FBN2: variants seen among roughly 807,000 people sequenced by gnomAD.
FBN2 encodes fibrillin 2.
A neutral mutation model predicts 355.6 loss-of-function variants in FBN2; 105 were observed. The observed-to-expected ratio is 0.30, with a 90% CI of 0.25 to 0.35. FBN2 has a LOEUF of 0.35. Ranked by LOEUF, FBN2 falls within the 10% of genes least tolerant of loss-of-function variation. FBN2 has a pLI of 1.00. For synonymous variants in FBN2, 1,350 were observed against 1,301.2 expected (o/e 1.04, Z -0.81); for missense variants, 3,280 against 3,758.7 (o/e 0.87, Z 3.33).
chr5:128,283,918 A>T (rs908217174), intron 55 of FBN2, among the ~76,000 whole-genome samples: 1 of 152,158 alleles, frequency 6.6e-6, no homozygotes, highest in Non-Finnish European at 1.5e-5. Flanking sequence ...ATACATATTC[A>T]ATCAATCCAT....
At position 128,311,396 on chromosome 5, in the gene FBN2, G is replaced by T; in HGVS notation, c.4978C>A (p.Leu1660Ile). 1.2e-6 allele frequency: 2 copies of T among 1,614,034 alleles called. No homozygotes were observed. The highest frequency in any genetic ancestry group is 1.7e-5 in the Admixed American group (1 of 60,022). The change falls in exon 39 of 65, where the codon CTC becomes ATC. Residue 1660 changes from leucine (L) to isoleucine (I), a missense_variant. Transcript: ENST00000262464. ...DIDECQELPG[L>I]CQGGNCINTF... ...TTGATGCAGTTTCCACCCTGGCAGA[G>T]ACCTGGTAACTCCTGGCATTCGTCA...
In FBN2 at chr5:128,537,975, A is replaced by G. The variant is rs1057179785; in HGVS notation, c.-372T>C. ...AAAATTTCAAAAAATGTGAACCTCA[A>G]AAGAAAAAAGGGCCTGCACGCAGAG... On this transcript the variant is annotated 5_prime_UTR_variant, in exon 1 of 65. Transcript: ENST00000262464. 1 of 304,870 alleles carries G rather than the reference A, an allele frequency of 3.3e-6. No individual in the cohort carries two copies. Among genetic ancestry groups the G allele is most frequent in the South Asian group, 6.2e-5 (1 of 16,174 alleles). The allele number at this position is 304,870 out of a possible 1,614,324, so 18.9% of individuals were successfully genotyped here. A position where few individuals can be genotyped will look rare whatever the true frequency, so the allele number is the denominator to read the frequency against.
chr5:128,360,162 GAA>G (rs1751603698), intron 19 of FBN2, among the ~76,000 whole-genome samples: 1 of 152,004 alleles, frequency 6.6e-6, no homozygotes, highest in Non-Finnish European at 1.5e-5. Flanking sequence ...AGAAAATCAG[GAA>G]AAACAAAAAC....
At chr5:128,273,173 T>A (rs1317507506) in intron 61 of FBN2, among the ~76,000 whole-genome samples, 1 of 152,228 alleles carries the variant, frequency 6.6e-6, no homozygotes, top group Non-Finnish European at 1.5e-5. Flanking sequence ...TGGGTGTTTA[T>A]AAGACACTAA....
rs1237602726 is a variant in FBN2, at chr5:128,312,760, G to A, written c.4753C>T (p.Pro1585Ser). Residue 1585 changes from proline to serine, a missense_variant, in exon 37 of 65, where the codon CCT (proline) becomes TCT (serine). Coordinates refer to ENST00000262464, the MANE Select transcript of FBN2 (RefSeq NM_001999.4). Reference sequence around the variant, plus strand: ...CAAGACAGACTCCCATCTCCTCGAGGTCCAAACTTCAGGTAGCAGTTGCCC... The same window carrying A: ...CAAGACAGACTCCCATCTCCTCGAGATCCAAACTTCAGGTAGCAGTTGCCC... ...RVGNCYLKFG[P>S]RGDGSLSCNT... 6.2e-7 allele frequency: 1 copy of A among 1,613,866 alleles called. No individual in the cohort carries two copies. The highest frequency in any genetic ancestry group is 8.5e-7 in the Non-Finnish European group (1 of 1,180,000).
intron 1 of FBN2, among the ~76,000 whole-genome samples, chr5:128,536,883 G>A (rs1384634150): frequency 6.6e-6 from 1 of 151,938 alleles, no homozygotes; most frequent in Non-Finnish European, 1.5e-5. Flanking sequence ...ACGTGTCAAG[G>A]AAAGCGCGTC....
chr5:128,397,539 C>T (rs541005240), intron 8 of FBN2, among the ~76,000 whole-genome samples: 2 of 152,262 alleles, frequency 1.3e-5, no homozygotes, highest in Admixed American at 1.3e-4. Context: ...TTTAACTCTT[C>T]TTCTGTACAG....
At chr5:128,265,796 T>C (rs944914352) in intron 62 of FBN2, among the ~76,000 whole-genome samples, 11 of 152,218 alleles carry the variant, frequency 7.2e-5, no homozygotes, top group African/African-American at 2.7e-4. Flanking sequence ...GAAAGCTTTT[T>C]TCAATATTAA....
intron 32 of FBN2, 52 bp downstream of exon 32, chr5:128,332,860 A>G: frequency 1.3e-6 from 2 of 1,577,308 alleles, no homozygotes; most frequent in Non-Finnish European, 1.7e-6. Flanking sequence ...TGCAAAAAAG[A>G]GCCTTTAAAA....
At chr5:128,469,530 CA>C (rs34568723) in intron 5 of FBN2, among the ~76,000 whole-genome samples, 7 of 125,632 alleles carry the variant, frequency 5.6e-5, no homozygotes, top group Admixed American at 1.7e-4. Context: ...GACTCCGTCT[CA>C]AAAAAAAAAA....
At position 128,289,119 on chromosome 5, in the gene FBN2, A is replaced by G. The variant is rs780697390; in HGVS notation, c.6637+8T>C. On this transcript the variant is annotated splice_region_variant and intron_variant, in intron 52 of 64. Coordinates refer to ENST00000262464, the MANE Select transcript of FBN2 (RefSeq NM_001999.4). ...TTTAAAATTCTGTAATGTGGAGCCA[A>G]CACTCACCCACACAGCGTACTCCAG... 3.1e-6 allele frequency: 5 copies of G among 1,614,018 alleles called. No homozygotes were observed. Among genetic ancestry groups the G allele is most frequent in the Admixed American group, 1.7e-5 (1 of 60,020 alleles).
At chr5:128,413,680 C>A (rs2127006052) in intron 7 of FBN2, among the ~76,000 whole-genome samples, 1 of 152,090 alleles carries the variant, frequency 6.6e-6, no homozygotes, top group East Asian at 1.9e-4. Context: ...TCTAAGAACA[C>A]CCTAGAGAGA....
At chr5:128,277,682 T>G (rs1489994482) in intron 58 of FBN2, among the ~76,000 whole-genome samples, 198 bp downstream of exon 58, 1 of 152,312 alleles carries the variant, frequency 6.6e-6, no homozygotes, top group East Asian at 1.9e-4. Flanking sequence ...CTGAGGCTCC[T>G]TTAAGCATCC....
rs780233105 is a variant in FBN2 at position 128,289,157 on chromosome 5, TGTA to T, written c.6604_6606del (p.Tyr2202del). 6.2e-7 allele frequency: 1 copy of T among 1,613,966 alleles called. No homozygotes were observed. Among genetic ancestry groups the T allele is most frequent in the African/African-American group, 1.3e-5 (1 of 74,906 alleles). ...CAGCGTACTCCAGTGTAGTCAAGGT[TGTA>T]GCCCATTGGACATTCACAGCGAAAA... is the stretch of plus-strand genomic sequence containing the variant. On this transcript the variant is annotated inframe_deletion, in exon 52 of 65. Coordinates refer to ENST00000262464, the MANE Select transcript of FBN2 (RefSeq NM_001999.4).
At chr5:128,294,216 T>C (rs1432144967) in intron 48 of FBN2, among the ~76,000 whole-genome samples, 2 of 152,084 alleles carry the variant, frequency 1.3e-5, no homozygotes, top group African/African-American at 4.8e-5. Flanking sequence ...ATGTGCCACA[T>C]TTTCTTAATC....
At chr5:128,349,886 G>C in intron 22 of FBN2, 69 bp downstream of exon 22, 1 of 1,181,874 alleles carries the variant, frequency 8.5e-7, no homozygotes. Context: ...TCCAAAGTTT[G>C]AGAGTGAATG....
chr5:128,337,809 G>T (rs889493151), intron 27 of FBN2, among the ~76,000 whole-genome samples, 188 bp downstream of exon 27: 1 of 152,208 alleles, frequency 6.6e-6, no homozygotes, highest in Non-Finnish European at 1.5e-5. Flanking sequence ...AAGAATGCCA[G>T]CTTATTCGAG....
chr5:128,432,918 G>A (rs537454305), intron 7 of FBN2, among the ~76,000 whole-genome samples: 33 of 151,538 alleles, frequency 2.2e-4, no homozygotes, highest in African/African-American at 7.8e-4. Context: ...CATTTTACAC[G>A]GCAGCAGGAG....
chr5:128,532,143 C>A (rs1233338158), intron 2 of FBN2, among the ~76,000 whole-genome samples: 1 of 152,200 alleles, frequency 6.6e-6, no homozygotes, highest in African/African-American at 2.4e-5. Context: ...TCCTTCCAGG[C>A]TGGTATCTGA....
Sources: allele counts gnomAD v4.1 joint callset (sites outside exome capture counted in the v4.1 genomes callset), GRCh38; gene constraint gnomAD v4.1.1; transcripts MANE v1.5; gene names NCBI Gene and HGNC (gene_info 2026-07-23, HGNC 2026-07-21).